AGBL4: variants seen among roughly 807,000 people sequenced by gnomAD.
The protein encoded by AGBL4 is cytosolic carboxypeptidase 6.
In AGBL4, 58 loss-of-function variants were observed where a neutral mutation model predicts 66.4. The ratio of observed to expected loss-of-function variants is 0.87; its 90% CI spans 0.71 to 1.09. The LOEUF is 1.09. Ranked by LOEUF, AGBL4 falls within the 50% of genes least tolerant of loss-of-function variation. The pLI is 0.00. For missense variants in AGBL4, 579 were observed against 631.0 expected (o/e 0.92, Z 0.88); for synonymous variants, 234 against 222.9 (o/e 1.05, Z -0.44).
intron 1 of AGBL4, among the ~76,000 whole-genome samples, chr1:49,983,189 G>A (rs149269790): frequency 3.1e-4 from 47 of 152,070 alleles, no homozygotes; most frequent in African/African-American, 1.1e-3. Context: ...GCAACAAGAA[G>A]GAGAGAAGAG....
At chr1:49,036,132 A>G (rs865775858) in intron 5 of AGBL4, among the ~76,000 whole-genome samples, 12 of 152,236 alleles carry the variant, frequency 7.9e-5, no homozygotes, top group African/African-American at 2.6e-4. Context: ...TGAAAAAAAA[A>G]CAGAAATAAA....
At chr1:49,266,629 A>ACACACG (rs564548339) in intron 3 of AGBL4, among the ~76,000 whole-genome samples, 10 of 151,378 alleles carry the variant, frequency 6.6e-5, no homozygotes, top group Non-Finnish European at 1.0e-4. Flanking sequence ...ACACACACAC[A>ACACACG]CGCGAAGGTA....
At chr1:49,632,690 CT>C (rs745798951) in intron 3 of AGBL4, among the ~76,000 whole-genome samples, 2 of 152,166 alleles carry the variant, frequency 1.3e-5, no homozygotes, top group Non-Finnish European at 2.9e-5. Flanking sequence ...TGTCTGGCTT[CT>C]GCCACTGGTC....
At chr1:49,066,344 G>A (rs1007295480) in intron 4 of AGBL4, among the ~76,000 whole-genome samples, 1 of 152,170 alleles carries the variant, frequency 6.6e-6, no homozygotes, top group African/African-American at 2.4e-5. Flanking sequence ...ATGAGGTCAG[G>A]AGATCGAGAC....
At chr1:48,622,982 T>G (rs1645441088) in intron 9 of AGBL4, among the ~76,000 whole-genome samples, 1 of 152,144 alleles carries the variant, frequency 6.6e-6, no homozygotes, top group Non-Finnish European at 1.5e-5. Context: ...GAATTGAGAT[T>G]TAAACGCGGG....
intron 5 of AGBL4, among the ~76,000 whole-genome samples, chr1:49,000,763 G>A (rs1479040243): frequency 1.3e-5 from 2 of 152,136 alleles, no homozygotes; most frequent in African/African-American, 4.8e-5. Context: ...CATATTATAG[G>A]ATGTGAGCAT....
At chr1:49,949,291 C>G (rs568054419) in intron 1 of AGBL4, among the ~76,000 whole-genome samples, 18 of 152,002 alleles carry the variant, frequency 1.2e-4, no homozygotes, top group African/African-American at 4.3e-4. Context: ...AAACACCCTT[C>G]TAGACATTGG....
At chr1:49,218,195 G>A (rs919020234) in intron 4 of AGBL4, among the ~76,000 whole-genome samples, 1 of 152,034 alleles carries the variant, frequency 6.6e-6, no homozygotes, top group Non-Finnish European at 1.5e-5. Context: ...CCTGGTTTCT[G>A]GGGTCAAGCT....
Position 49,273,317 on chromosome 1 carries a change from A to C in AGBL4, c.283-27453T>G, listed in dbSNP as rs563076725. Reference sequence around the variant, plus strand: ...ATCATAAGTAATATACATAATAATTAAAACTACTAAATATAAAATAGTCTA... The same window carrying C: ...ATCATAAGTAATATACATAATAATTCAAACTACTAAATATAAAATAGTCTA... On this transcript the variant is annotated intron_variant, in intron 3 of 13. Transcript: ENST00000371839. Among the ~76,000 whole-genome samples the C allele has an allele frequency of 1.1e-3, 170 of 152,122 alleles. 1 individual carries two copies. Among genetic ancestry groups the C allele is most frequent in the African/African-American group, 3.9e-3 (163 of 41,560 alleles).
intron 2 of AGBL4, among the ~76,000 whole-genome samples, chr1:49,766,049 G>C (rs1047812144): frequency 2.6e-5 from 4 of 152,142 alleles, no homozygotes; most frequent in Non-Finnish European, 5.9e-5. Flanking sequence ...CCCTAATCTT[G>C]CTACAGAGGT....
chr1:49,785,225 T>C (rs776174744), intron 2 of AGBL4, among the ~76,000 whole-genome samples: 2 of 152,040 alleles, frequency 1.3e-5, no homozygotes, highest in Non-Finnish European at 2.9e-5. Context: ...ACAAAGCTTC[T>C]ATCTGACCAA....
At chr1:48,982,353 AC>A (rs1362257387) in intron 5 of AGBL4, among the ~76,000 whole-genome samples, 2 of 151,320 alleles carry the variant, frequency 1.3e-5, no homozygotes. Flanking sequence ...CACTCCCCCC[AC>A]CCCACAACAG....
chr1:49,231,005 T>C (rs974794469), intron 4 of AGBL4, among the ~76,000 whole-genome samples: 1 of 152,210 alleles, frequency 6.6e-6, no homozygotes. Context: ...AAAACAGGTC[T>C]GGTAATAAAA....
intron 6 of AGBL4, among the ~76,000 whole-genome samples, chr1:48,716,817 C>T (rs1392328232): frequency 6.6e-6 from 1 of 152,186 alleles, no homozygotes; most frequent in Non-Finnish European, 1.5e-5. Context: ...CTGGCATTTC[C>T]TGAGCTTGGG....
At chr1:49,586,615 C>T (rs1167090526) in intron 3 of AGBL4, among the ~76,000 whole-genome samples, 2 of 151,888 alleles carry the variant, frequency 1.3e-5, no homozygotes, top group African/African-American at 4.8e-5. Context: ...AACATAGTAT[C>T]TAGCATGCAA....
chr1:48,995,143 C>G (rs973084463), intron 5 of AGBL4, among the ~76,000 whole-genome samples: 1 of 152,174 alleles, frequency 6.6e-6, no homozygotes, highest in Non-Finnish European at 1.5e-5. Context: ...ATGTGACATA[C>G]AGTCCTACTC....
intron 3 of AGBL4, among the ~76,000 whole-genome samples, chr1:49,647,264 T>C (rs1645908192): frequency 6.6e-6 from 1 of 152,060 alleles, no homozygotes; most frequent in African/African-American, 2.4e-5. Context: ...TGCTATTCCA[T>C]TCTAACAAGT....
At chr1:48,940,528 A>G (rs1655877790) in intron 5 of AGBL4, among the ~76,000 whole-genome samples, 1 of 152,194 alleles carries the variant, frequency 6.6e-6, no homozygotes, top group Non-Finnish European at 1.5e-5. Context: ...GTAGGCTACA[A>G]GTAGTGTTTT....
At chr1:49,858,871 C>A (rs559604304) in intron 1 of AGBL4, among the ~76,000 whole-genome samples, 2 of 152,192 alleles carry the variant, frequency 1.3e-5, no homozygotes, top group African/African-American at 4.8e-5. Context: ...CAAAAATTAG[C>A]ATGGTGTGGT....
Sources: gnomAD v4.1 joint callset for allele counts (sites outside exome capture counted in the v4.1 genomes callset) on GRCh38, gnomAD v4.1.1 for gene constraint, MANE v1.5 for transcripts, NCBI Gene and HGNC (gene_info 2026-07-23, HGNC 2026-07-21) for gene names.